The following CAMK1D variants were observed in gnomAD, a reference collection of about 807,000 sequenced individuals.
The protein encoded by CAMK1D is calcium/calmodulin dependent protein kinase ID.
A neutral mutation model predicts 47.7 loss-of-function variants in CAMK1D; 9 were observed. The observed-to-expected ratio is 0.19, with a 90% CI of 0.11 to 0.33. The LOEUF (loss-of-function observed/expected upper bound fraction) is 0.33, where lower values mean the gene tolerates loss of function less well. CAMK1D is among the 10% of genes least tolerant of loss of function. The pLI is 1.00. For missense variants in CAMK1D, 291 were observed against 488.7 expected (o/e 0.60, Z 3.81); for synonymous variants, 184 against 184.9 (o/e 0.99, Z 0.04).
intron 1 of CAMK1D, among the ~76,000 whole-genome samples, chr10:12,533,714 T>C (rs562405044): frequency 6.6e-6 from 1 of 152,298 alleles, no homozygotes; most frequent in East Asian, 1.9e-4. Flanking sequence ...ACAGAAAAAT[T>C]GGTAGGAACA....
At chr10:12,691,395 ATATATATAAATATATATATATATATATTT>A (rs1832904620) in intron 3 of CAMK1D, among the ~76,000 whole-genome samples, 2 of 7,102 alleles carry the variant, frequency 2.8e-4, no homozygotes, top group African/African-American at 5.0e-4. Flanking sequence ...ATATATATAT[ATATATATAAATATATATATATATATATTT>A]TTTTTTTTTT....
intron 8 of CAMK1D, among the ~76,000 whole-genome samples, chr10:12,816,890 A>AG (rs1301584767): frequency 9.3e-5 from 14 of 151,070 alleles, no homozygotes; most frequent in African/African-American, 3.4e-4. Context: ...AAAAAAAAAA[A>AG]AAAAAAGACA....
intron 3 of CAMK1D, among the ~76,000 whole-genome samples, chr10:12,742,786 G>A (rs1835492417): frequency 6.6e-6 from 1 of 152,214 alleles, no homozygotes; most frequent in South Asian, 2.1e-4. Context: ...CCAGCTCCCT[G>A]TGTTAAGTGG....
chr10:12,459,983 C>A (rs1042670582), intron 1 of CAMK1D, among the ~76,000 whole-genome samples: 3 of 152,186 alleles, frequency 2.0e-5, no homozygotes, highest in Non-Finnish European at 4.4e-5. Context: ...CTTTTCCTGA[C>A]AACCAGTGCA....
chr10:12,808,318 A>G (rs930228202), intron 6 of CAMK1D, among the ~76,000 whole-genome samples: 2 of 152,260 alleles, frequency 1.3e-5, no homozygotes, highest in East Asian at 1.9e-4. Context: ...TCTTGAAGGC[A>G]GAAACTGGTT....
At chr10:12,796,026 C>T (rs2131014312) in intron 6 of CAMK1D, among the ~76,000 whole-genome samples, 1 of 152,330 alleles carries the variant, frequency 6.6e-6, no homozygotes, top group East Asian at 1.9e-4. Context: ...TGAACCTCAG[C>T]ATCTCACAGA....
rs561430869 is a variant in CAMK1D, at chr10:12,501,089, C to T, written c.93-52136C>T. ...CAAAATCCATCCCCTTTCCCGTACT[C>T]CACCTCGCCCTCAACTCACTCCATT... On this transcript the variant is annotated intron_variant, in intron 1 of 10. Coordinates refer to ENST00000619168, the MANE Select transcript of CAMK1D (RefSeq NM_153498.4). 2.0e-5 allele frequency among the ~76,000 whole-genome samples: 3 copies of T among 152,322 alleles called. No individual in the cohort carries two copies. In the South Asian group the frequency reaches 6.2e-4, roughly 32 times the overall value.
chr10:12,477,963 C>G (rs1055226866), intron 1 of CAMK1D, among the ~76,000 whole-genome samples: 8 of 151,892 alleles, frequency 5.3e-5, no homozygotes, highest in African/African-American at 1.9e-4. Flanking sequence ...TGCTGTCCAT[C>G]TGGCTATTAT....
intron 1 of CAMK1D, among the ~76,000 whole-genome samples, chr10:12,365,392 A>G (rs1837800878): frequency 6.6e-6 from 1 of 152,206 alleles, no homozygotes; most frequent in African/African-American, 2.4e-5. Context: ...ACCTCACATT[A>G]ATCCATACAG....
chr10:12,528,226 A>G (rs565143340), intron 1 of CAMK1D, among the ~76,000 whole-genome samples: 2 of 152,236 alleles, frequency 1.3e-5, no homozygotes, highest in African/African-American at 4.8e-5. Context: ...CCACAGACAT[A>G]ACTACAATTA....
chr10:12,695,394 C>T (rs900030579), intron 3 of CAMK1D, among the ~76,000 whole-genome samples: 4 of 152,118 alleles, frequency 2.6e-5, no homozygotes. Flanking sequence ...CCTCCACAGC[C>T]TCTGTCCCCA....
intron 2 of CAMK1D, among the ~76,000 whole-genome samples, chr10:12,614,779 A>G (rs1335298555): frequency 6.6e-6 from 1 of 152,180 alleles, no homozygotes; most frequent in East Asian, 1.9e-4. Context: ...CATGTGCTCT[A>G]GGGCTACCAG....
chr10:12,621,219 T>C (rs552731278), intron 2 of CAMK1D, among the ~76,000 whole-genome samples: 1 of 143,920 alleles, frequency 6.9e-6, no homozygotes, highest in African/African-American at 2.4e-5. Flanking sequence ...AGTAGTCTTA[T>C]TCCTCCCACT....
chr10:12,786,049 A>C (rs1319377262), intron 5 of CAMK1D, among the ~76,000 whole-genome samples: 1 of 152,196 alleles, frequency 6.6e-6, no homozygotes, highest in Non-Finnish European at 1.5e-5. Flanking sequence ...GTGAGATGAA[A>C]AATAGCTATT....
chr10:12,395,655 C>T (rs1321166946), intron 1 of CAMK1D, among the ~76,000 whole-genome samples: 1 of 152,082 alleles, frequency 6.6e-6, no homozygotes, highest in East Asian at 1.9e-4. Context: ...TGGGTCACGC[C>T]TGTAATCCCA....
chr10:12,355,537 G>T (rs1050850303), intron 1 of CAMK1D, among the ~76,000 whole-genome samples: 3 of 152,028 alleles, frequency 2.0e-5, no homozygotes, highest in Non-Finnish European at 4.4e-5. Flanking sequence ...ACTCGAGGTG[G>T]TTTGTATATT....
chr10:12,715,814 G>A (rs980652225), intron 3 of CAMK1D, among the ~76,000 whole-genome samples: 3 of 149,700 alleles, frequency 2.0e-5, no homozygotes, highest in Non-Finnish European at 4.4e-5. Flanking sequence ...TCCGCCTCCC[G>A]GGTTCAAGCC....
At chr10:12,757,856 T>C (rs1836306471) in intron 3 of CAMK1D, among the ~76,000 whole-genome samples, 1 of 144,012 alleles carries the variant, frequency 6.9e-6, no homozygotes, top group Non-Finnish European at 1.5e-5. Flanking sequence ...CCTGCTCTTT[T>C]TTTTTTTTTT....
chr10:12,618,005 C>T (rs1263143466), intron 2 of CAMK1D, among the ~76,000 whole-genome samples: 1 of 152,166 alleles, frequency 6.6e-6, no homozygotes, highest in Non-Finnish European at 1.5e-5. Context: ...CAGTAAGGTT[C>T]AGGGTAGAAT....
Sources: gnomAD v4.1 joint callset for allele counts (sites outside exome capture counted in the v4.1 genomes callset) on GRCh38, gnomAD v4.1.1 for gene constraint, MANE v1.5 for transcripts, NCBI Gene and HGNC (gene_info 2026-07-23, HGNC 2026-07-21) for gene names.